The following DPP10 variants were observed in gnomAD, a reference collection of about 807,000 sequenced individuals.
The protein encoded by DPP10 is inactive dipeptidyl peptidase 10.
Under a neutral mutation model 120.9 loss-of-function variants are expected in DPP10, and 33 were observed. That is an observed-to-expected ratio of 0.27 (90% confidence interval 0.21 to 0.37). The LOEUF (loss-of-function observed/expected upper bound fraction) is 0.37. Ranked by LOEUF, DPP10 falls within the 10% of genes least tolerant of loss-of-function variation. The pLI, the probability that DPP10 is intolerant of heterozygous loss-of-function variation, is 1.00. For missense variants in DPP10, 816 were observed against 942.8 expected, an observed-to-expected ratio of 0.87 and a Z score of 1.76; for synonymous variants, 337 against 326.1, an observed-to-expected ratio of 1.03 and a Z score of -0.36.
At chr2:114,596,532 C>T (rs770785723) in intron 1 of DPP10, among the ~76,000 whole-genome samples, 1 of 152,036 alleles carries the variant, frequency 6.6e-6, no homozygotes, top group Non-Finnish European at 1.5e-5. Flanking sequence ...TGTCTTTACC[C>T]ATGAGTATAT....
intron 3 of DPP10, among the ~76,000 whole-genome samples, chr2:115,376,295 G>A (rs2106430876): frequency 6.6e-6 from 1 of 152,228 alleles, no homozygotes; most frequent in South Asian, 2.1e-4. Flanking sequence ...TAAATATAAT[G>A]ATTGAATGTT....
At chr2:114,948,133 C>T (rs1279845890) in intron 1 of DPP10, among the ~76,000 whole-genome samples, 1 of 151,830 alleles carries the variant, frequency 6.6e-6, no homozygotes, top group Non-Finnish European at 1.5e-5. Flanking sequence ...CTTTTTATTT[C>T]CTTATCCCTT....
intron 5 of DPP10, among the ~76,000 whole-genome samples, chr2:115,687,472 AGGAT>A (rs1269369573): frequency 7.8e-5 from 11 of 141,682 alleles, no homozygotes; most frequent in Admixed American, 3.5e-4. Context: ...CTGGCTTTGT[AGGAT>A]GGATGGATGG....
At chr2:115,097,042 C>T (rs548571413) in intron 1 of DPP10, among the ~76,000 whole-genome samples, 6 of 152,106 alleles carry the variant, frequency 3.9e-5, no homozygotes, top group Non-Finnish European at 8.8e-5. Flanking sequence ...ACATTACACT[C>T]TTGTGAAAAT....
intron 3 of DPP10, among the ~76,000 whole-genome samples, chr2:115,384,931 C>G (rs1481423197): frequency 6.6e-6 from 1 of 152,132 alleles, no homozygotes; most frequent in African/African-American, 2.4e-5. Context: ...GTGGTTTCCC[C>G]CATACTATTC....
Position 115,229,201 on chromosome 2 carries a change from C to T in DPP10, c.61-80038C>T, listed in dbSNP as rs997502221. Among the ~76,000 whole-genome samples, 21 of 152,094 alleles carry T rather than the reference C, an allele frequency of 1.4e-4. 1 individual carries two copies. Among genetic ancestry groups the T allele is most frequent in the Middle Eastern group, 3.4e-3 (1 of 294 alleles). ...TTTTAAGAGGTGTCTATTAGATCTT[C>T]GCCCATTTTTAATTGCATTATTAGA... On this transcript the variant is annotated intron_variant, in intron 1 of 25. Transcript: ENST00000410059.
intron 3 of DPP10, among the ~76,000 whole-genome samples, chr2:115,498,851 T>C (rs919748470): frequency 6.6e-6 from 1 of 151,908 alleles, no homozygotes; most frequent in Non-Finnish European, 1.5e-5. Context: ...CAAAAATATG[T>C]AAAAGCAATT....
intron 1 of DPP10, among the ~76,000 whole-genome samples, chr2:114,923,155 A>AT (rs953182766): frequency 2.0e-5 from 3 of 149,400 alleles, no homozygotes; most frequent in East Asian, 2.0e-4. Flanking sequence ...ATGATTTATA[A>AT]TTTTTTTTCC....
intron 1 of DPP10, among the ~76,000 whole-genome samples, chr2:114,931,908 A>G (rs1696097274): frequency 6.6e-6 from 1 of 152,250 alleles, no homozygotes; most frequent in South Asian, 2.1e-4. Flanking sequence ...TGCATGGGAC[A>G]TAATTATACA....
intron 1 of DPP10, among the ~76,000 whole-genome samples, chr2:115,294,352 G>A (rs929272472): frequency 2.6e-5 from 4 of 152,044 alleles, no homozygotes; most frequent in African/African-American, 7.2e-5. Context: ...ATCAGGCTTC[G>A]TTAACACTAT....
intron 1 of DPP10, among the ~76,000 whole-genome samples, chr2:115,165,134 T>TA (rs1276894531): frequency 6.6e-6 from 1 of 152,226 alleles, no homozygotes; most frequent in Non-Finnish European, 1.5e-5. Flanking sequence ...TTATTATTTT[T>TA]AAAAATCACT....
chr2:114,775,189 G>T (rs368872), intron 1 of DPP10, among the ~76,000 whole-genome samples: 87,170 of 151,896 alleles, frequency 0.57, 25,442 homozygotes, highest in African/African-American at 0.66. Context: ...CAATAATAAT[G>T]TAGTCACTAC....
At chr2:114,985,233 CT>C (rs1382252187) in intron 1 of DPP10, among the ~76,000 whole-genome samples, 1 of 151,572 alleles carries the variant, frequency 6.6e-6, no homozygotes, top group East Asian at 1.9e-4. Context: ...TTTTTTCCTT[CT>C]GTCTTGAATG....
intron 3 of DPP10, among the ~76,000 whole-genome samples, chr2:115,450,684 T>C (rs2073038751): frequency 6.6e-6 from 1 of 151,864 alleles, no homozygotes; most frequent in East Asian, 1.9e-4. Flanking sequence ...TTCAGAGCCA[T>C]GAGTATTTGC....
intron 3 of DPP10, among the ~76,000 whole-genome samples, chr2:115,411,866 G>A (rs2068981002): frequency 6.6e-6 from 1 of 152,148 alleles, no homozygotes; most frequent in Non-Finnish European, 1.5e-5. Flanking sequence ...CTGTGTGGGG[G>A]TGGATGGTTT....
chr2:115,815,322 T>TA (rs1455080549), intron 20 of DPP10, among the ~76,000 whole-genome samples: 2 of 152,214 alleles, frequency 1.3e-5, no homozygotes, highest in Non-Finnish European at 2.9e-5. Context: ...GTTTCACAGA[T>TA]ACCATTATCA....
In DPP10 at chr2:115,623,920, A is replaced by T. The variant is rs180720380; in HGVS notation, c.442-65767A>T. ...TGGTCAAGAATTGTCAGATGAAAAGATTCTTAAAAGACCCTAGAAACAAAA... is the reference window on the plus strand; with the variant it reads ...TGGTCAAGAATTGTCAGATGAAAAGTTTCTTAAAAGACCCTAGAAACAAAA... On this transcript the variant is annotated intron_variant, in intron 5 of 25. Coordinates refer to ENST00000410059, the MANE Select transcript of DPP10 (RefSeq NM_020868.6). Among the ~76,000 whole-genome samples, 24 of 147,898 alleles carry T rather than the reference A, an allele frequency of 1.6e-4. No individual in the cohort carries two copies. The East Asian group carries it at 3.7e-3, about 23-fold the overall frequency.
chr2:115,796,950 G>C (rs191206153), intron 19 of DPP10, among the ~76,000 whole-genome samples: 2 of 152,106 alleles, frequency 1.3e-5, no homozygotes, highest in South Asian at 4.1e-4. Context: ...AACCTCTGCT[G>C]TATTACCCAA....
At chr2:115,136,628 A>C (rs1159969325) in intron 1 of DPP10, among the ~76,000 whole-genome samples, 1 of 152,014 alleles carries the variant, frequency 6.6e-6, no homozygotes, top group Non-Finnish European at 1.5e-5. Flanking sequence ...TCTAACAATC[A>C]GCAAAGGCAA....
Sources: gnomAD v4.1 joint callset for allele counts (sites outside exome capture counted in the v4.1 genomes callset) on GRCh38, gnomAD v4.1.1 for gene constraint, MANE v1.5 for transcripts, NCBI Gene and HGNC (gene_info 2026-07-23, HGNC 2026-07-21) for gene names.